ROBO1: variants seen among roughly 807,000 people sequenced by gnomAD.
The protein encoded by ROBO1 is roundabout homolog 1.
In ROBO1, 149 loss-of-function variants were observed where a neutral mutation model predicts 195.9. That is an observed-to-expected ratio of 0.76 (90% CI 0.67 to 0.87). The LOEUF is 0.87. ROBO1 is among the 40% of genes least tolerant of loss of function. The probability of loss-of-function intolerance (pLI) is 0.00; values close to 1 mark genes in which losing one functional copy is unlikely to be tolerated. For missense variants in ROBO1, 1,933 were observed against 2,068.3 expected (o/e 0.93, Z 1.27); for synonymous variants, 816 against 733.2 (o/e 1.11, Z -1.82).
At chr3:78,654,106 T>C (rs1706848327) in intron 18 of ROBO1, among the ~76,000 whole-genome samples, 1 of 152,260 alleles carries the variant, frequency 6.6e-6, no homozygotes, top group Non-Finnish European at 1.5e-5. Context: ...ACATTTTTTA[T>C]GGATTCTTCT....
chr3:79,205,545 T>A (rs141614594), intron 2 of ROBO1, among the ~76,000 whole-genome samples: 1 of 152,136 alleles, frequency 6.6e-6, no homozygotes, highest in African/African-American at 2.4e-5. Flanking sequence ...AGAAGTAGAC[T>A]CTATTTCTTT....
chr3:79,028,501 C>T (rs1018832119), intron 3 of ROBO1, among the ~76,000 whole-genome samples: 1 of 151,854 alleles, frequency 6.6e-6, no homozygotes, highest in East Asian at 1.9e-4. Context: ...GAAGTTATTT[C>T]TAATCCTGTG....
rs534474627 is a variant in ROBO1, at chr3:79,575,116, AAT to A, written c.88+14706_88+14707del. Among the ~76,000 whole-genome samples the A allele has an allele frequency of 5.0e-3, 603 of 121,064 alleles. 9 individuals carry two copies. Among genetic ancestry groups the A allele is most frequent in the African/African-American group, 0.02 (579 of 28,608 alleles). The allele number at this position is 121,064 out of a possible 152,430, so 79.4% of individuals were successfully genotyped here. A position where few individuals can be genotyped will look rare whatever the true frequency, so the allele number is the denominator to read the frequency against. Reference sequence around the variant, plus strand: ...TGAAAACAAATATATATATATAACAAATATATATATAAATATATATAACAAAT... The same window carrying A: ...TGAAAACAAATATATATATATAACAAATATATATAAATATATATAACAAAT... On this transcript the variant is annotated intron_variant, in intron 2 of 30. Coordinates refer to ENST00000464233, the MANE Select transcript of ROBO1 (RefSeq NM_002941.4).
intron 4 of ROBO1, among the ~76,000 whole-genome samples, chr3:78,837,596 A>G (rs1269032824): frequency 1.3e-5 from 2 of 152,158 alleles, no homozygotes; most frequent in African/African-American, 4.8e-5. Flanking sequence ...AATAAATGGC[A>G]AAACTATCAT....
intron 11 of ROBO1, 113 bp from the exon 12 acceptor site, chr3:78,668,678 C>A: frequency 1.2e-6 from 1 of 820,332 alleles, no homozygotes; most frequent in South Asian, 2.1e-5. Flanking sequence ...CATTAAAATT[C>A]ACTAACCAGA....
At chr3:79,243,522 C>T (rs1260423356) in intron 2 of ROBO1, among the ~76,000 whole-genome samples, 2 of 152,076 alleles carry the variant, frequency 1.3e-5, no homozygotes, top group African/African-American at 4.8e-5. Flanking sequence ...TAATGATCAC[C>T]ATTCTAACTG....
chr3:79,757,124 G>T (rs552815557), intron 1 of ROBO1, among the ~76,000 whole-genome samples: 46 of 152,178 alleles, frequency 3.0e-4, no homozygotes, highest in Admixed American at 9.8e-4. Flanking sequence ...TACAAACATT[G>T]CTGTACAAAT....
chr3:79,721,186 G>T (rs1222353199), intron 1 of ROBO1, among the ~76,000 whole-genome samples: 1 of 152,148 alleles, frequency 6.6e-6, no homozygotes, highest in African/African-American at 2.4e-5. Flanking sequence ...ATTCTAAACA[G>T]TGATTGTGGA....
intron 1 of ROBO1, among the ~76,000 whole-genome samples, chr3:79,685,383 G>A (rs1273272064): frequency 1.3e-5 from 2 of 152,094 alleles, no homozygotes; most frequent in Admixed American, 6.6e-5. Flanking sequence ...CTGAGTTCAG[G>A]AATATGTGGA....
intron 3 of ROBO1, among the ~76,000 whole-genome samples, chr3:79,048,727 G>T (rs1048355468): frequency 3.9e-5 from 6 of 152,082 alleles, no homozygotes; most frequent in African/African-American, 1.2e-4. Context: ...GAAAATAGCA[G>T]CCTCCGCTGT....
rs182906990 is a variant in ROBO1 at position 79,470,690 on chromosome 3, G to A, written c.88+119134C>T. Among the ~76,000 whole-genome samples, 371 of 152,086 alleles carry A rather than the reference G, an allele frequency of 2.4e-3. 3 individuals are homozygous for A. The Middle Eastern group carries it at 0.031, about 13-fold the overall frequency. On this transcript the variant is annotated intron_variant, in intron 2 of 30. Transcript: ENST00000464233. Reference sequence around the variant, plus strand: ...TGTGGTAGTGAATAAGTCTCAAGAGGTCTGATGGTTTTATAAGTGGTAAAA... The same window carrying A: ...TGTGGTAGTGAATAAGTCTCAAGAGATCTGATGGTTTTATAAGTGGTAAAA...
At chr3:78,913,873 G>A (rs1233235390) in intron 4 of ROBO1, among the ~76,000 whole-genome samples, 1 of 152,194 alleles carries the variant, frequency 6.6e-6, no homozygotes, top group Non-Finnish European at 1.5e-5. Flanking sequence ...CACATGGGAA[G>A]TACTTCTAGA....
chr3:79,124,525 T>C (rs1308274772), intron 3 of ROBO1, among the ~76,000 whole-genome samples: 2 of 152,156 alleles, frequency 1.3e-5, no homozygotes, highest in African/African-American at 4.8e-5. Context: ...TCTATATGAT[T>C]GTTATGATAC....
At chr3:78,790,309 A>AT (rs759944188) in intron 4 of ROBO1, among the ~76,000 whole-genome samples, 22 of 152,056 alleles carry the variant, frequency 1.4e-4, no homozygotes, top group Admixed American at 3.3e-4. Context: ...TGCTTTCATT[A>AT]TTTTTTATTT....
intron 2 of ROBO1, among the ~76,000 whole-genome samples, chr3:79,134,690 A>G (rs2080364414): frequency 1.1e-5 from 1 of 91,474 alleles, no homozygotes; most frequent in African/African-American, 4.3e-5. Context: ...CATATACACC[A>G]TGGAATACTA....
intron 28 of ROBO1, among the ~76,000 whole-genome samples, chr3:78,608,245 G>A (rs1703582280): frequency 6.6e-6 from 1 of 151,854 alleles, no homozygotes; most frequent in African/African-American, 2.4e-5. Flanking sequence ...CTGAGAAACT[G>A]GGACTACATG....
At chr3:79,078,886 T>C (rs1177930371) in intron 3 of ROBO1, among the ~76,000 whole-genome samples, 1 of 151,792 alleles carries the variant, frequency 6.6e-6, no homozygotes. Context: ...TTTTGGTTTG[T>C]AGTTCACATT....
intron 4 of ROBO1, among the ~76,000 whole-genome samples, chr3:78,798,487 C>T (rs1037943829): frequency 6.6e-6 from 1 of 152,136 alleles, no homozygotes; most frequent in Non-Finnish European, 1.5e-5. Flanking sequence ...TTTATAAAAA[C>T]AATGTCAGGC....
chr3:79,390,919 T>A (rs1193665753), intron 2 of ROBO1, among the ~76,000 whole-genome samples: 3 of 151,988 alleles, frequency 2.0e-5, no homozygotes, highest in African/African-American at 7.3e-5. Context: ...ATAGGATATG[T>A]TTAAGAATGG....
Sources: gnomAD v4.1 joint callset for allele counts (sites outside exome capture counted in the v4.1 genomes callset) on GRCh38, gnomAD v4.1.1 for gene constraint, MANE v1.5 for transcripts, NCBI Gene and HGNC (gene_info 2026-07-23, HGNC 2026-07-21) for gene names.